The following LRCH1 variants were observed in gnomAD, a reference collection of about 807,000 sequenced individuals.
LRCH1 encodes leucine rich repeats and calponin homology domain containing 1.
A neutral mutation model predicts 94.9 loss-of-function variants in LRCH1; 23 were observed. The ratio of observed to expected loss-of-function variants is 0.24; its 90% confidence interval spans 0.17 to 0.34. The LOEUF (loss-of-function observed/expected upper bound fraction) is 0.34. LRCH1 is among the 10% of genes least tolerant of loss of function. The probability of loss-of-function intolerance (pLI) is 1.00; values close to 1 mark genes in which losing one functional copy is unlikely to be tolerated. For missense variants in LRCH1, 790 were observed against 945.9 expected (o/e 0.84, Z 2.16); for synonymous variants, 364 against 354.9 (o/e 1.03, Z -0.29).
chr13:46,717,411 G>A (rs960682247), intron 16 of LRCH1: 6 of 152,136 alleles, frequency 3.9e-5, no homozygotes, highest in African/African-American at 9.7e-5. Flanking sequence ...TAAAGCCATC[G>A]TTTTCAATAC....
intron 1 of LRCH1, among the ~76,000 whole-genome samples, chr13:46,597,716 T>C (rs1465064752): frequency 6.6e-6 from 1 of 152,166 alleles, no homozygotes; most frequent in Non-Finnish European, 1.5e-5. Context: ...AAAATACATG[T>C]GTTAGCTAAG....
intron 18 of LRCH1, among the ~76,000 whole-genome samples, chr13:46,750,009 C>G (rs1874060238): frequency 6.6e-6 from 1 of 152,122 alleles, no homozygotes; most frequent in Non-Finnish European, 1.5e-5. Context: ...TTATAATTAC[C>G]AATTTATAAA....
chr13:46,619,816 G>A (rs2050860519), intron 1 of LRCH1, among the ~76,000 whole-genome samples: 1 of 152,122 alleles, frequency 6.6e-6, no homozygotes, highest in African/African-American at 2.4e-5. Flanking sequence ...GTTTAGAATT[G>A]TAGCTAAAAT....
intron 1 of LRCH1, among the ~76,000 whole-genome samples, chr13:46,610,598 T>C (rs2050737637): frequency 6.6e-6 from 1 of 152,138 alleles, no homozygotes; most frequent in South Asian, 2.1e-4. Context: ...CCTGAGTTAC[T>C]TCACTTAGAA....
chr13:46,664,737 A>G (rs1593335842), intron 2 of LRCH1, among the ~76,000 whole-genome samples: 1 of 152,312 alleles, frequency 6.6e-6, no homozygotes, highest in African/African-American at 2.4e-5. Context: ...TTTAATCTTT[A>G]TATATGGATG....
rs758664933 is a variant in LRCH1 at position 46,705,313 on chromosome 13, G to T, written c.1527+9G>T. The T allele has an allele frequency of 3.7e-6, 6 of 1,612,848 alleles. No homozygotes were observed. Among genetic ancestry groups the T allele is most frequent in the Non-Finnish European group, 5.1e-6 (6 of 1,179,020 alleles). ...CATCTCCGGTGTGTGAGGTAAGGCT[G>T]CTGGTAGATTCACCAGAACTCTGTG... On this transcript the variant is annotated intron_variant, in intron 13 of 19. Transcript: ENST00000389797.
chr13:46,692,668 T>G, intron 8 of LRCH1, 27 bp downstream of exon 8: 2 of 1,558,614 alleles, frequency 1.3e-6, no homozygotes, highest in Non-Finnish European at 1.8e-6. Flanking sequence ...GTGGAGAAAG[T>G]GCTTGTTTTT....
At chr13:46,681,651 A>G (rs1414223206) in intron 3 of LRCH1, 90 bp from the exon 4 acceptor site, 1 of 882,602 alleles carries the variant, frequency 1.1e-6, no homozygotes, top group African/African-American at 1.7e-5. Flanking sequence ...TAGTTGTCCA[A>G]ATATTTAAAT....
chr13:46,680,769 T>C (rs2051739898), intron 3 of LRCH1, among the ~76,000 whole-genome samples: 1 of 152,186 alleles, frequency 6.6e-6, no homozygotes, highest in East Asian at 1.9e-4. Context: ...ACTTTATAGT[T>C]GTTGAGGAGC....
chr13:46,707,258 C>G (rs527702587), intron 13 of LRCH1, among the ~76,000 whole-genome samples: 1 of 152,256 alleles, frequency 6.6e-6, no homozygotes, highest in South Asian at 2.1e-4. Context: ...CACAAACCTC[C>G]TCCTTTTTAA....
chr13:46,641,938 G>GA (rs2051162485), intron 1 of LRCH1, among the ~76,000 whole-genome samples: 1 of 152,210 alleles, frequency 6.6e-6, no homozygotes, highest in South Asian at 2.1e-4. Flanking sequence ...GCTTTCATGT[G>GA]AATGCTTCCA....
chr13:46,657,489 T>C (rs1233848143), intron 2 of LRCH1, among the ~76,000 whole-genome samples: 2 of 114,018 alleles, frequency 1.8e-5, no homozygotes, highest in Non-Finnish European at 3.8e-5. Context: ...TTTTACTTTT[T>C]CTTTTCTTTT....
intron 16 of LRCH1, among the ~76,000 whole-genome samples, chr13:46,716,523 G>C (rs1201971922): frequency 2.0e-5 from 3 of 152,216 alleles, no homozygotes; most frequent in African/African-American, 7.2e-5. Context: ...GAAGAGTAGT[G>C]AGGTACAGGG....
At chr13:46,703,791 T>G (rs1207059381) in intron 11 of LRCH1, among the ~76,000 whole-genome samples, 3 of 152,140 alleles carry the variant, frequency 2.0e-5, no homozygotes, top group African/African-American at 7.2e-5. Context: ...GCACAATGTT[T>G]GGTCCCAATT....
At chr13:46,662,563 A>G (rs1008907925) in intron 2 of LRCH1, among the ~76,000 whole-genome samples, 6 of 152,236 alleles carry the variant, frequency 3.9e-5, no homozygotes, top group Non-Finnish European at 8.8e-5. Context: ...AGAGCACAAA[A>G]TAGGCCTTGA....
chr13:46,694,797 A>C, intron 8 of LRCH1, 96 bp from the exon 9 acceptor site: 1 of 1,336,156 alleles, frequency 7.5e-7, no homozygotes, highest in Non-Finnish European at 1.0e-6. Context: ...GGAACACAGA[A>C]GACTTGAAGT....
chr13:46,687,837 T>A lies in LRCH1; in HGVS notation c.823-15T>A. 4 of 1,602,940 alleles carry A rather than the reference T, an allele frequency of 2.5e-6. No individual in the cohort carries two copies. The highest frequency in any genetic ancestry group is 3.4e-6 in the Non-Finnish European group (4 of 1,172,640). On this transcript the variant is annotated splice_polypyrimidine_tract_variant and intron_variant, in intron 5 of 19. Coordinates refer to ENST00000389797, the MANE Select transcript of LRCH1 (RefSeq NM_001164211.2). ...CATTGAAAAATGAATATGATTGCTA[T>A]TAATTTCTTTGTAGATTTGCACAAA...
At chr13:46,687,063 A>C (rs1870657528) in intron 5 of LRCH1, among the ~76,000 whole-genome samples, 1 of 140,188 alleles carries the variant, frequency 7.1e-6, no homozygotes, top group African/African-American at 2.7e-5. Flanking sequence ...GGATCAAGTG[A>C]TTCTCCTGCC....
At chr13:46,696,616 G>A (rs1871205347) in intron 9 of LRCH1, among the ~76,000 whole-genome samples, 1 of 152,182 alleles carries the variant, frequency 6.6e-6, no homozygotes, top group South Asian at 2.1e-4. Context: ...AGATAGGCGT[G>A]TGGAAGTCAA....
Sources: allele counts gnomAD v4.1 joint callset (sites outside exome capture counted in the v4.1 genomes callset), GRCh38; gene constraint gnomAD v4.1.1; transcripts MANE v1.5; gene names NCBI Gene and HGNC (gene_info 2026-07-23, HGNC 2026-07-21).